Variants in MAP2K2 observed in about 807,000 individuals in gnomAD.
MAP2K2 encodes the protein mitogen-activated protein kinase kinase 2.
A neutral mutation model predicts 43.7 loss-of-function variants in MAP2K2; 24 were observed. The observed-to-expected ratio is 0.55, with a 90% CI of 0.40 to 0.77. MAP2K2 has a LOEUF of 0.77. MAP2K2 is among the 30% of genes least tolerant of loss of function. The pLI, the probability that MAP2K2 is intolerant of heterozygous loss-of-function variation, is 0.00. For missense variants in MAP2K2, 470 were observed against 566.8 expected, an observed-to-expected ratio of 0.83 and a Z score of 1.73; for synonymous variants, 244 against 239.7, an observed-to-expected ratio of 1.02 and a Z score of -0.17.
intron 2 of MAP2K2, among the ~76,000 whole-genome samples, chr19:4,111,528 C>G (rs1432371729): frequency 2.0e-5 from 3 of 152,184 alleles, no homozygotes; most frequent in African/African-American, 7.2e-5. Context: ...GAGACGTTAG[C>G]CACACAGAGC....
At chr19:4,107,215 G>A (rs1387497118) in intron 3 of MAP2K2, among the ~76,000 whole-genome samples, 1 of 151,576 alleles carries the variant, frequency 6.6e-6, no homozygotes. Flanking sequence ...GGGAAACATA[G>A]TGCCATCCCA....
rs929202883 is a variant in MAP2K2 at position 4,115,501 on chromosome 19, C to T, written c.303+1918G>A. On this transcript the variant is annotated intron_variant, in intron 2 of 10. Transcript: ENST00000262948. This position sits in a 1 kb window ranked among gnomAD's most constrained non-coding sequence, Gnocchi z 4.1. ...CCCTGCTGTGGCTGTGTGAACCACA[C>T]GCTTGCCTTTTTCCACCCAGTGCTT... Among the ~76,000 whole-genome samples, 14 of 152,330 alleles carry T rather than the reference C, an allele frequency of 9.2e-5. No homozygotes were observed. Among genetic ancestry groups the T allele is most frequent in the African/African-American group, 2.9e-4 (12 of 41,566 alleles).
intron 1 of MAP2K2, among the ~76,000 whole-genome samples, chr19:4,123,542 G>A (rs563942943): frequency 4.1e-3 from 103 of 25,242 alleles, no homozygotes; most frequent in African/African-American, 0.016. Context: ...CCTTCGCCCC[G>A]TCCTCCGAGG....
intron 7 of MAP2K2, among the ~76,000 whole-genome samples, chr19:4,098,140 C>T (rs540590677): frequency 3.3e-5 from 5 of 152,002 alleles, no homozygotes; most frequent in South Asian, 4.1e-4. Flanking sequence ...GGCTCTGACA[C>T]GCACCATGGC....
chr19:4,098,480 C>T (rs967926431), intron 7 of MAP2K2, among the ~76,000 whole-genome samples: 15 of 152,116 alleles, frequency 9.9e-5, no homozygotes, highest in Admixed American at 2.6e-4. Context: ...TGGGGTCTGA[C>T]GCCACCAACT....
rs1404619027 is a variant in MAP2K2, at chr19:4,123,798, G to A, written c.78C>T (p.Ser26=). ...PTIAEGPSPT[S]EGASEANLVD... Reference sequence around the variant, plus strand: ...TGCCCACTCACTCGGAGGCGCCCTCGCTGGTAGGGGATGGGCCCTCGGCGA... The same window carrying A: ...TGCCCACTCACTCGGAGGCGCCCTCACTGGTAGGGGATGGGCCCTCGGCGA... The change falls in exon 1 of 11, where the codon AGC becomes AGT. Residue 26 remains serine (S), a synonymous_variant. Transcript: ENST00000262948. 2.6e-6 allele frequency: 4 copies of A among 1,562,100 alleles called. No homozygotes were observed. The highest frequency in any genetic ancestry group is 2.6e-6 in the Non-Finnish European group (3 of 1,158,926).
intron 2 of MAP2K2, among the ~76,000 whole-genome samples, chr19:4,112,722 GA>G (rs2041170173): frequency 6.6e-6 from 1 of 152,126 alleles, no homozygotes; most frequent in Non-Finnish European, 1.5e-5. Context: ...CCAGCCTGCA[GA>G]ATCCAGCTCC....
chr19:4,112,199 G>A (rs1021280404), intron 2 of MAP2K2, among the ~76,000 whole-genome samples: 1 of 152,274 alleles, frequency 6.6e-6, no homozygotes, highest in African/African-American at 2.4e-5. Flanking sequence ...GGTGCAGTCA[G>A]TGAAGGGGCG....
intron 3 of MAP2K2, chr19:4,103,146 C>G (rs1018522610): frequency 1.0e-6 from 1 of 991,978 alleles, no homozygotes; most frequent in Admixed American, 5.7e-5. Context: ...GCCCAGGTGA[C>G]GGTAACCTCG....
rs10681431 is a variant in MAP2K2, at chr19:4,097,205, T to TAAAAAA, written c.984+68_984+73dup. 9.2e-4 allele frequency: 528 copies of TAAAAAA among 572,602 alleles called. 9 individuals carry two copies. In the African/African-American group the frequency reaches 0.016, roughly 18 times the overall value. The allele number at this position is 572,602 out of a possible 1,614,324, so 35.5% of individuals were successfully genotyped here. A position where few individuals can be genotyped will look rare whatever the true frequency, so the allele number is the denominator to read the frequency against. ...GCTCTGGTCAGAGAGAGACTCTGCCTAAAAAAAAAAAAAAAAAAAAAAAGA... is the reference window on the plus strand; with the variant it reads ...GCTCTGGTCAGAGAGAGACTCTGCCTAAAAAAAAAAAAAAAAAAAAAAAAAAAAAGA... On this transcript the variant is annotated intron_variant, in intron 8 of 10. Coordinates refer to ENST00000262948, the MANE Select transcript of MAP2K2 (RefSeq NM_030662.4).
At chr19:4,092,621 C>G (rs1438292500) in intron 10 of MAP2K2, among the ~76,000 whole-genome samples, 2 of 151,968 alleles carry the variant, frequency 1.3e-5, no homozygotes, top group Non-Finnish European at 2.9e-5. Context: ...ACATTAGTAC[C>G]CCTCTCTTTT....
rs1199035222 is a variant in MAP2K2, at chr19:4,090,716, G to C, written c.1093-8C>G. ...CTTGATGAAGGTGTGGTTCTGCAAGGAAAGGGGAGCCGTGAGCACCCGGGC... is the reference window on the plus strand; with the variant it reads ...CTTGATGAAGGTGTGGTTCTGCAAGCAAAGGGGAGCCGTGAGCACCCGGGC... On this transcript the variant is annotated splice_region_variant and splice_polypyrimidine_tract_variant and intron_variant, in intron 10 of 10. Coordinates refer to ENST00000262948, the MANE Select transcript of MAP2K2 (RefSeq NM_030662.4). 3 of 1,548,700 alleles carry C rather than the reference G, an allele frequency of 1.9e-6. No homozygotes were observed. Among genetic ancestry groups the C allele is most frequent in the East Asian group, 4.9e-5 (2 of 41,152 alleles).
chr19:4,111,611 T>G (rs945136873), intron 2 of MAP2K2, among the ~76,000 whole-genome samples: 4 of 152,122 alleles, frequency 2.6e-5, no homozygotes, highest in African/African-American at 9.7e-5. Flanking sequence ...TTCATCAAGT[T>G]GACCCCGGTG....
intron 2 of MAP2K2, among the ~76,000 whole-genome samples, chr19:4,114,798 C>T (rs1381013793): frequency 2.0e-5 from 3 of 152,032 alleles, no homozygotes; most frequent in Non-Finnish European, 4.4e-5. Context: ...AAAATACAAA[C>T]ATTAGCCAGG....
chr19:4,108,378 C>CT (rs1450765527), intron 3 of MAP2K2, among the ~76,000 whole-genome samples: 1 of 151,786 alleles, frequency 6.6e-6, no homozygotes, highest in African/African-American at 2.4e-5. Context: ...GTAGCTGGGA[C>CT]TACAGGCACC....
intron 3 of MAP2K2, among the ~76,000 whole-genome samples, chr19:4,109,867 A>T (rs1320593902): frequency 6.6e-6 from 1 of 152,094 alleles, no homozygotes; most frequent in East Asian, 1.9e-4. Flanking sequence ...AGTCAGTGCC[A>T]TGTTATTTGA....
chr19:4,101,192 GC>G lies in MAP2K2; in HGVS notation c.580+36del. The G allele has an allele frequency of 1.3e-6, 2 of 1,534,920 alleles. No individual in the cohort carries two copies. Among genetic ancestry groups the G allele is most frequent in the Non-Finnish European group, 8.8e-7 (1 of 1,133,548 alleles). On this transcript the variant is annotated intron_variant, in intron 5 of 10. Coordinates refer to ENST00000262948, the MANE Select transcript of MAP2K2 (RefSeq NM_030662.4). This position sits in a 1 kb window ranked among gnomAD's most constrained non-coding sequence, Gnocchi z 6.3. Reference sequence around the variant, plus strand: ...AGGGGCGCCCAACAGTTGCCTGCCGGCCCCCGGGGCTCTGGGGAGGGCGGGC... The same window carrying G: ...AGGGGCGCCCAACAGTTGCCTGCCGGCCCCGGGGCTCTGGGGAGGGCGGGC...
chr19:4,102,777 G>A (rs549862479), intron 3 of MAP2K2: 3 of 1,265,626 alleles, frequency 2.4e-6, no homozygotes, highest in South Asian at 3.1e-5. Context: ...CGCGGCCGGG[G>A]GCTCAGGCAG....
Position 4,101,850 on chromosome 19 carries a change from G to A in MAP2K2, c.528+526C>T, listed in dbSNP as rs962114541. Among the ~76,000 whole-genome samples the A allele has an allele frequency of 1.3e-5, 2 of 152,162 alleles. No individual in the cohort carries two copies. Among genetic ancestry groups the A allele is most frequent in the African/African-American group, 2.4e-5 (1 of 41,430 alleles). ...TAATCCAACACTGGTATGGGCAGGC[G>A]GGACTCGGCCCCTGCTATGGACAAG... On this transcript the variant is annotated intron_variant, in intron 4 of 10. Coordinates refer to ENST00000262948, the MANE Select transcript of MAP2K2 (RefSeq NM_030662.4). This position sits in a 1 kb window ranked among gnomAD's most constrained non-coding sequence, Gnocchi z 6.3.
Sources: gnomAD v4.1 joint callset for allele counts (sites outside exome capture counted in the v4.1 genomes callset) on GRCh38, gnomAD v4.1.1 for gene constraint, Gnocchi (gnomAD v3.1) non-coding constraint, MANE v1.5 for transcripts, NCBI Gene and HGNC (gene_info 2026-07-23, HGNC 2026-07-21) for gene names.